The following WDR37 variants were observed in gnomAD, a reference collection of about 807,000 sequenced individuals.
WDR37 encodes WD repeat domain 37.
In WDR37, 19 loss-of-function variants were observed where a neutral mutation model predicts 62.9. The observed-to-expected ratio is 0.30, with a 90% CI of 0.21 to 0.44. WDR37 has a LOEUF of 0.44. Among genes scored for constraint, WDR37 ranks in the 20% least tolerant of loss-of-function variants. WDR37 has a pLI of 1.00. For missense variants in WDR37, 474 were observed against 657.6 expected (o/e 0.72, Z 3.05); for synonymous variants, 250 against 260.9 (o/e 0.96, Z 0.40).
At chr10:1,104,845 C>T (rs1016014393) in intron 10 of WDR37, among the ~76,000 whole-genome samples, 3 of 152,216 alleles carry the variant, frequency 2.0e-5, no homozygotes, top group Non-Finnish European at 2.9e-5. Flanking sequence ...AAGTGGTTCT[C>T]ACATTCAACC....
At chr10:1,074,737 T>C (rs1833818602) in intron 2 of WDR37, among the ~76,000 whole-genome samples, 1 of 152,094 alleles carries the variant, frequency 6.6e-6, no homozygotes. Context: ...GCCCTTTCAG[T>C]TGTTGAGGAG....
In WDR37 at chr10:1,126,385, G is replaced by C. The variant is rs377205033; in HGVS notation, c.1353+1361G>C. Among the ~76,000 whole-genome samples, 47 of 145,470 alleles carry C rather than the reference G, an allele frequency of 3.2e-4. No homozygotes were observed. The South Asian group carries it at 5.9e-3, about 18-fold the overall frequency. ...CGCGCCACTGCACTCCAGCCTGGGC[G>C]ACAGAGCGAGACTGTGTCTCAGAAA... On this transcript the variant is annotated intron_variant, in intron 13 of 13. Coordinates refer to ENST00000263150, the MANE Select transcript of WDR37 (RefSeq NM_014023.4).
At chr10:1,074,600 G>A (rs776115754) in intron 2 of WDR37, 22 of 1,116,604 alleles carry the variant, frequency 2.0e-5, no homozygotes, top group Admixed American at 9.8e-5. Context: ...TCCCCCTGCC[G>A]TGGGCGGGAG....
intron 11 of WDR37, among the ~76,000 whole-genome samples, chr10:1,123,190 A>G (rs1835640762): frequency 6.6e-6 from 1 of 152,238 alleles, no homozygotes; most frequent in Non-Finnish European, 1.5e-5. Flanking sequence ...TTGGATTTAT[A>G]GAAGCAGGTT....
At chr10:1,115,293 T>G (rs1589119333) in intron 11 of WDR37, among the ~76,000 whole-genome samples, 1 of 152,380 alleles carries the variant, frequency 6.6e-6, no homozygotes, top group Middle Eastern at 3.4e-3. Flanking sequence ...TCCCAAAATG[T>G]GGTCTTTGGT....
rs771205067 is a variant in WDR37, at chr10:1,079,967, C to G, written c.236-44C>G. The stretch of plus-strand genomic sequence containing the variant: ...TTTGGAAGTGGTGAGTACACTTAAA[C>G]ATAAAAACATACTTTAGATTTTTGA... On this transcript the variant is annotated intron_variant, in intron 3 of 13. Transcript: ENST00000263150. The G allele has an allele frequency of 2.5e-6, 4 of 1,573,150 alleles. No homozygotes were observed. The East Asian group carries it at 9.1e-5, about 36-fold the overall frequency.
Position 1,093,339 on chromosome 10 carries a change from T to C in WDR37, c.605-113T>C, listed in dbSNP as rs1834464020. Reference sequence around the variant, plus strand: ...ACTTAACTGAGTGGAGGATCAAATATTGAACTCATAGTTCTTTTAATGTTG... The same window carrying C: ...ACTTAACTGAGTGGAGGATCAAATACTGAACTCATAGTTCTTTTAATGTTG... On this transcript the variant is annotated intron_variant, in intron 7 of 13. Coordinates refer to ENST00000263150, the MANE Select transcript of WDR37 (RefSeq NM_014023.4). 6.2e-6 allele frequency: 5 copies of C among 800,602 alleles called. No homozygotes were observed. In the East Asian group the frequency reaches 1.3e-4, roughly 21 times the overall value. 49.6% of individuals were successfully genotyped at this position (800,602 alleles called of 1,614,324 possible). A position where few individuals can be genotyped will look rare whatever the true frequency, so the allele number is the denominator to read the frequency against.
rs1412822726 is a variant in WDR37 at position 1,072,234 on chromosome 10, A to G, written c.79A>G (p.Arg27Gly). Residue 27 changes from arginine to glycine, a missense_variant, in exon 2 of 14, where the codon AGA (arginine) becomes GGA (glycine). By Grantham distance (125) the Arg-to-Gly change is moderately radical (BLOSUM62 -2). Transcript: ENST00000263150. ...CAAATCCCATAGCCTTTCTATACGA[A>G]GAACTAACAGCTCGGAGCAGGAGAG... ...KRKSHSLSIR[R>G]TNSSEQERTG... is the part of the protein sequence containing the mutation. The G allele has an allele frequency of 2.5e-6, 4 of 1,614,108 alleles. No individual in the cohort carries two copies. The highest frequency in any genetic ancestry group is 3.4e-6 in the Non-Finnish European group (4 of 1,180,046).
chr10:1,070,369 TA>T (rs61093363), intron 1 of WDR37, among the ~76,000 whole-genome samples: 1 of 152,148 alleles, frequency 6.6e-6, no homozygotes, highest in African/African-American at 2.4e-5. Flanking sequence ...GCTTGGCTTT[TA>T]AAAAAGTTTT....
chr10:1,103,583 G>A lies in WDR37; in HGVS notation c.727-19G>A, dbSNP rs1334336460. 6.2e-7 allele frequency: 1 copy of A among 1,610,182 alleles called. No homozygotes were observed. Among genetic ancestry groups the A allele is most frequent in the East Asian group, 2.2e-5 (1 of 44,814 alleles). On this transcript the variant is annotated intron_variant, in intron 9 of 13. Coordinates refer to ENST00000263150, the MANE Select transcript of WDR37 (RefSeq NM_014023.4). The surrounding 1 kb of genome is among the most constrained non-coding windows in gnomAD (Gnocchi z 6.3). The stretch of plus-strand genomic sequence containing the variant: ...TTCCAGGAAATGTCTTTCTTTTCTG[G>A]CCTTCCCTTTGGCAGCAGATATCTG...
At chr10:1,084,333 TTTCTC>T in intron 5 of WDR37, 65 bp from the exon 6 acceptor site, 2 of 1,570,080 alleles carry the variant, frequency 1.3e-6, no homozygotes, top group Non-Finnish European at 1.7e-6. Context: ...TCTTTTTCGT[TTTCTC>T]TTTCTTGACT....
intron 7 of WDR37, 49 bp downstream of exon 7, chr10:1,086,406 A>G (rs369290596): frequency 6.7e-5 from 101 of 1,497,434 alleles, no homozygotes; most frequent in Non-Finnish European, 1.4e-5. Flanking sequence ...TGCCTTCTCC[A>G]GTGTGTTTTT....
intron 5 of WDR37, among the ~76,000 whole-genome samples, chr10:1,083,706 C>T (rs893791463): frequency 3.9e-5 from 6 of 152,196 alleles, no homozygotes; most frequent in South Asian, 2.1e-4. Context: ...TGTCGTCATT[C>T]GAGACGATGC....
At chr10:1,098,805 G>C (rs943260139) in intron 9 of WDR37, among the ~76,000 whole-genome samples, 6 of 152,204 alleles carry the variant, frequency 3.9e-5, no homozygotes, top group African/African-American at 1.4e-4. Context: ...CTGTAGTCTT[G>C]TGTTTTGGCA....
intron 9 of WDR37, among the ~76,000 whole-genome samples, chr10:1,102,209 G>A (rs570340546): frequency 2.2e-5 from 3 of 139,502 alleles, no homozygotes; most frequent in South Asian, 2.3e-4. Context: ...ACGTGTTGCC[G>A]TGCTGCTGTG....
intron 8 of WDR37, among the ~76,000 whole-genome samples, chr10:1,094,228 G>C (rs191261200): frequency 6.6e-6 from 1 of 152,322 alleles, no homozygotes; most frequent in East Asian, 1.9e-4. Context: ...TGCTCTTGCA[G>C]CCTAAAAGCA....
At chr10:1,062,171 A>G (rs1589071265) in intron 1 of WDR37, among the ~76,000 whole-genome samples, 1 of 152,214 alleles carries the variant, frequency 6.6e-6, no homozygotes, top group East Asian at 1.9e-4. Context: ...TTTGGTGCCA[A>G]GTTCCAGGGA....
chr10:1,116,057 G>GT (rs1835383916), intron 11 of WDR37, among the ~76,000 whole-genome samples: 1 of 152,174 alleles, frequency 6.6e-6, no homozygotes, highest in South Asian at 2.1e-4. Context: ...CTACCTTGAT[G>GT]TACTCCACTC....
At chr10:1,074,367 A>G in intron 2 of WDR37, 1 of 1,274,088 alleles carries the variant, frequency 7.8e-7, no homozygotes. Context: ...GGTAACCCTC[A>G]CGAAGGTAGC....
Sources: allele counts gnomAD v4.1 joint callset (sites outside exome capture counted in the v4.1 genomes callset), GRCh38; gene constraint gnomAD v4.1.1; non-coding constraint Gnocchi (gnomAD v3.1); transcripts MANE v1.5; gene names NCBI Gene and HGNC (gene_info 2026-07-23, HGNC 2026-07-21).